PDE3B: variants seen among roughly 807,000 people sequenced by gnomAD.
PDE3B encodes the protein cGMP-inhibited 3',5'-cyclic phosphodiesterase 3B.
PDE3B carries 66 observed loss-of-function variants against 116.8 expected under a neutral mutation model. That is an observed-to-expected ratio of 0.56 (90% CI 0.46 to 0.69). PDE3B has a LOEUF of 0.69. PDE3B is among the 30% of genes least tolerant of loss of function. The probability of loss-of-function intolerance (pLI) is 0.00; values close to 1 mark genes in which losing one functional copy is unlikely to be tolerated. For missense variants in PDE3B, 1,384 were observed against 1,368.1 expected, an observed-to-expected ratio of 1.01 and a Z score of -0.18; for synonymous variants, 595 against 533.6, an observed-to-expected ratio of 1.12 and a Z score of -1.59.
chr11:14,663,629 G>A (rs535156657), intron 1 of PDE3B, among the ~76,000 whole-genome samples: 63 of 152,288 alleles, frequency 4.1e-4, no homozygotes, highest in Non-Finnish European at 7.1e-4. Context: ...CCTAGTCTCT[G>A]ATAAAACAGA....
intron 2 of PDE3B, among the ~76,000 whole-genome samples, chr11:14,784,615 A>G (rs911636579): frequency 6.6e-6 from 1 of 152,236 alleles, no homozygotes; most frequent in Non-Finnish European, 1.5e-5. Context: ...AAGAAAAAAC[A>G]GAGGAACAAG....
At chr11:14,799,067 T>C (rs1409308053) in intron 4 of PDE3B, among the ~76,000 whole-genome samples, 1 of 152,224 alleles carries the variant, frequency 6.6e-6, no homozygotes, top group African/African-American at 2.4e-5. Flanking sequence ...TTATGGGCAT[T>C]TAGTCCTATA....
At chr11:14,875,715 T>C (rs1225523475), downstream of PDE3B, among the ~76,000 whole-genome samples, 1 of 152,158 alleles carries the variant, frequency 6.6e-6, no homozygotes, top group East Asian at 1.9e-4. Flanking sequence ...ATAAGATAAA[T>C]TATTGGGTGT....
At chr11:14,834,568 C>T (rs1022855680) in intron 10 of PDE3B, among the ~76,000 whole-genome samples, 3 of 152,326 alleles carry the variant, frequency 2.0e-5, no homozygotes, top group East Asian at 3.9e-4. Context: ...AAGCCTGAGA[C>T]ATAGTATTTC....
chr11:14,859,347 G>A lies in PDE3B; in HGVS notation c.2724+101G>A, dbSNP rs1847905865. On this transcript the variant is annotated intron_variant, in intron 13 of 15. Coordinates refer to ENST00000282096, the MANE Select transcript of PDE3B (RefSeq NM_000922.4). ...TTAAGTTAGAATTATTACTACTTAG[G>A]AAGTAACAATAAATAGTTGATATAA... is the stretch of plus-strand genomic sequence containing the variant. The A allele has an allele frequency of 4.2e-6, 3 of 708,378 alleles. No individual in the cohort carries two copies. In the African/African-American group the frequency reaches 5.4e-5, roughly 13 times the overall value. The allele number at this position is 708,378 out of a possible 1,614,324, so 43.9% of individuals were successfully genotyped here. A position where few individuals can be genotyped will look rare whatever the true frequency, so the allele number is the denominator to read the frequency against.
intron 12 of PDE3B, among the ~76,000 whole-genome samples, chr11:14,853,525 GT>G (rs1376398694): frequency 6.6e-6 from 1 of 152,194 alleles, no homozygotes; most frequent in African/African-American, 2.4e-5. Flanking sequence ...AAGGACCCTT[GT>G]AAAAATCTAG....
Position 14,645,016 on chromosome 11 carries a change from T to C in PDE3B, c.941T>C (p.Phe314Ser). ...AGTTACTATGGCAGTTGCAAAATAT[T>C]CAGGAGACCGTCGTTGCCTTGTATT... ...AASYYGSCKI[F>S]RRPSLPCISR... Residue 314 changes from phenylalanine (F) to serine (S), a missense_variant, in exon 1 of 16, where the codon TTC becomes TCC. Coordinates refer to ENST00000282096, the MANE Select transcript of PDE3B (RefSeq NM_000922.4). 6.2e-7 allele frequency: 1 copy of C among 1,612,766 alleles called. No homozygotes were observed. The highest frequency in any genetic ancestry group is 8.5e-7 in the Non-Finnish European group (1 of 1,179,586).
intron 10 of PDE3B, among the ~76,000 whole-genome samples, chr11:14,833,623 A>T (rs1365422036): frequency 6.6e-6 from 1 of 152,164 alleles, no homozygotes; most frequent in Non-Finnish European, 1.5e-5. Context: ...GCTATTATAT[A>T]TTATGTTTGA....
intron 1 of PDE3B, among the ~76,000 whole-genome samples, chr11:14,660,361 G>A (rs1475776566): frequency 1.3e-5 from 2 of 151,454 alleles, no homozygotes; most frequent in East Asian, 3.9e-4. Context: ...GAGTGCAATG[G>A]CATGATCTCG....
chr11:14,653,587 CA>C (rs1243479910), intron 1 of PDE3B, among the ~76,000 whole-genome samples: 2 of 150,792 alleles, frequency 1.3e-5, no homozygotes, highest in African/African-American at 4.9e-5. Context: ...AAAAAACCAA[CA>C]AAAAAACCAC....
In PDE3B at chr11:14,786,647, G is replaced by A. The variant is rs1252637275; in HGVS notation, c.1240G>A (p.Glu414Lys). ...TGGATTTTACCCCTGTTCTGAAATAGAGGACCCAGCTGAGAAAGGGGATAG... is the reference window on the plus strand; with the variant it reads ...TGGATTTTACCCCTGTTCTGAAATAAAGGACCCAGCTGAGAAAGGGGATAG... ...FPGFYPCSEI[E>K]DPAEKGDRKL... The change falls in exon 3 of 16, where the codon GAG (glutamate) becomes AAG (lysine). Residue 414 changes from glutamate (E) to lysine (K), a missense_variant. Glu to Lys is a moderately conservative substitution (Grantham distance 56, BLOSUM62 1). Around this residue, in one of 2 missense-constraint regions of PDE3B, gnomAD observed 956 missense variants for 806.8 expected, o/e 1.18. Transcript: ENST00000282096. 1.2e-6 allele frequency: 2 copies of A among 1,612,254 alleles called. No individual in the cohort carries two copies. Among genetic ancestry groups the A allele is most frequent in the Non-Finnish European group, 1.7e-6 (2 of 1,178,642 alleles).
intron 1 of PDE3B, among the ~76,000 whole-genome samples, chr11:14,757,075 A>G (rs1019388849): frequency 3.3e-5 from 5 of 151,696 alleles, no homozygotes; most frequent in Non-Finnish European, 1.5e-5. Flanking sequence ...CTCTTGCAAT[A>G]GTTTACTGAG....
chr11:14,888,101 G>A, the PDE3B span, among the ~76,000 whole-genome samples: 1 of 152,188 alleles, frequency 6.6e-6, no homozygotes, highest in Admixed American at 6.5e-5. Context: ...TTTGTGGTGA[G>A]ACCTGTTCTG....
intron 1 of PDE3B, among the ~76,000 whole-genome samples, chr11:14,746,147 A>G (rs1004567198): frequency 6.6e-6 from 1 of 152,104 alleles, no homozygotes; most frequent in Non-Finnish European, 1.5e-5. Context: ...TAATCCCCTC[A>G]CTTTGGGAGG....
intron 7 of PDE3B, among the ~76,000 whole-genome samples, chr11:14,828,475 A>C (rs1859770892): frequency 6.6e-6 from 1 of 152,034 alleles, no homozygotes; most frequent in African/African-American, 2.4e-5. Flanking sequence ...GACAAGAAAA[A>C]ACAAACATAA....
chr11:14,683,667 T>C (rs2133797122), intron 1 of PDE3B, among the ~76,000 whole-genome samples: 1 of 152,238 alleles, frequency 6.6e-6, no homozygotes, highest in East Asian at 1.9e-4. Context: ...TTATCACTCT[T>C]ATTGATGGGG....
chr11:14,649,051 A>G (rs1380542816), intron 1 of PDE3B, among the ~76,000 whole-genome samples: 1 of 152,196 alleles, frequency 6.6e-6, no homozygotes, highest in Non-Finnish European at 1.5e-5. Flanking sequence ...GAGTATTTCC[A>G]TTATAGTGCA....
intron 1 of PDE3B, chr11:14,673,852 A>C: frequency 7.8e-7 from 1 of 1,288,400 alleles, no homozygotes; most frequent in East Asian, 2.3e-5. Context: ...TCAAATTTGT[A>C]GAGTAGTTGG....
At chr11:14,661,751 G>A (rs916747257) in intron 1 of PDE3B, among the ~76,000 whole-genome samples, 5 of 152,222 alleles carry the variant, frequency 3.3e-5, no homozygotes, top group Non-Finnish European at 5.9e-5. Flanking sequence ...GTTAGGCTGG[G>A]GAAGGGGCGC....
Sources: gnomAD v4.1 joint callset for allele counts (sites outside exome capture counted in the v4.1 genomes callset) on GRCh38, gnomAD v4.1.1 for gene constraint, gnomAD v4.1.1 regional missense constraint, MANE v1.5 for transcripts, NCBI Gene and HGNC (gene_info 2026-07-23, HGNC 2026-07-21) for gene names.